TRA2B: variants seen among roughly 807,000 people sequenced by gnomAD.
The protein encoded by TRA2B is transformer 2 beta homolog.
In TRA2B, 14 loss-of-function variants were observed where a neutral mutation model predicts 41.7. That is an observed-to-expected ratio of 0.34 (90% CI 0.22 to 0.53). The LOEUF is 0.53. TRA2B is among the 20% of genes least tolerant of loss of function. The pLI is 0.95. For synonymous variants in TRA2B, 130 were observed against 128.8 expected (o/e 1.01, Z -0.06); for missense variants, 167 against 396.8 (o/e 0.42, Z 4.92).
chr3:185,921,144 G>T lies in TRA2B; in HGVS notation c.682C>A (p.Arg228=), dbSNP rs1188561599. The change falls in exon 6 of 9, where the codon CGG becomes AGG. Residue 228 remains arginine (R), a synonymous_variant. Transcript: ENST00000453386. ...TAGTAGTCCCGATCATCATAGCCCC[G>T]ATCATATCCTCTGTCATAGTAATCC... ...RRDYYDRGYD[R]GYDDRDYYSR... 12 of 1,613,958 alleles carry T rather than the reference G, an allele frequency of 7.4e-6. No homozygotes were observed. Among genetic ancestry groups the T allele is most frequent in the Non-Finnish European group, 1.0e-5 (12 of 1,180,024 alleles).
intron 1 of TRA2B, among the ~76,000 whole-genome samples, chr3:185,930,157 T>C (rs1744095506): frequency 6.6e-6 from 1 of 152,198 alleles, no homozygotes; most frequent in Admixed American, 6.5e-5. Context: ...CCAAATTGCT[T>C]TCTTTCCTTT....
chr3:185,935,858 G>C (rs568390404), intron 1 of TRA2B: 1 of 985,326 alleles, frequency 1.0e-6, no homozygotes, highest in South Asian at 4.7e-5. Flanking sequence ...CAACGTAAAA[G>C]TTTAGAGATC....
rs773225268 is a variant in TRA2B, at chr3:185,917,648, A to G, written c.*67T>C. 17 of 1,570,208 alleles carry G rather than the reference A, an allele frequency of 1.1e-5. No homozygotes were observed. Among genetic ancestry groups the G allele is most frequent in the East Asian group, 2.2e-5 (1 of 44,598 alleles). ...GCACTGTTCACTTTTTAAACAAGAG[A>G]CAATAAAAAATATTGCCCACAAACA... On this transcript the variant is annotated 3_prime_UTR_variant, in exon 9 of 9. Transcript: ENST00000453386.
chr3:185,922,325 T>C (rs1345727133), intron 4 of TRA2B, 199 bp from the exon 5 acceptor site: 2 of 415,688 alleles, frequency 4.8e-6, no homozygotes, highest in Admixed American at 4.3e-5. Flanking sequence ...TCATAAAAAC[T>C]TGAAACAATT....
At chr3:185,923,399 ACT>A (rs1442134717) in intron 4 of TRA2B, 1 of 154,982 alleles carries the variant, frequency 6.5e-6, no homozygotes, top group African/African-American at 2.4e-5. Context: ...TCAAATCTTG[ACT>A]CTATATTCTG....
intron 1 of TRA2B, chr3:185,936,444 T>A: frequency 1.0e-6 from 1 of 985,316 alleles, no homozygotes. Flanking sequence ...CTCATCCGAG[T>A]ATGTAAACGC....
chr3:185,919,593 G>T, intron 6 of TRA2B, 97 bp from the exon 7 acceptor site: 1 of 975,350 alleles, frequency 1.0e-6, no homozygotes, highest in Non-Finnish European at 1.5e-6. Flanking sequence ...CATAGAGCAT[G>T]AATGAGATGT....
In TRA2B at chr3:185,916,526, A is replaced by G. The variant is rs1259163217; in HGVS notation, c.*1189T>C. 6.6e-6 allele frequency: 1 copy of G among 152,200 alleles called. No individual in the cohort carries two copies. The highest frequency in any genetic ancestry group is 2.4e-5 in the African/African-American group (1 of 41,428). 9.4% of individuals were successfully genotyped at this position (152,200 alleles called of 1,614,324 possible). A position where few individuals can be genotyped will look rare whatever the true frequency, so the allele number is the denominator to read the frequency against. The stretch of plus-strand genomic sequence containing the variant: ...GTATTAAAGTACCCGCAGTCTAGTT[A>G]TTTACTGTAACTCCATCCCCAAATG... On this transcript the variant is annotated 3_prime_UTR_variant, in exon 9 of 9. Transcript: ENST00000453386.
At chr3:185,934,640 C>A in intron 1 of TRA2B, 1 of 985,304 alleles carries the variant, frequency 1.0e-6, no homozygotes, top group East Asian at 1.1e-4. Flanking sequence ...GGTGAGATGG[C>A]TGCAATTCTT....
chr3:185,928,576 A>C (rs1319068039), intron 1 of TRA2B: 4 of 152,204 alleles, frequency 2.6e-5, no homozygotes, highest in Non-Finnish European at 4.4e-5. Flanking sequence ...AGTCTCAAAA[A>C]TGAGGGTGTA....
intron 1 of TRA2B, among the ~76,000 whole-genome samples, chr3:185,932,068 T>C (rs565125445): frequency 6.6e-6 from 1 of 152,290 alleles, no homozygotes; most frequent in South Asian, 2.1e-4. Context: ...CAAATAGACT[T>C]ATCATGCTTA....
At chr3:185,931,742 T>C (rs1374934406) in intron 1 of TRA2B, 2 of 1,470,266 alleles carry the variant, frequency 1.4e-6, no homozygotes, top group Non-Finnish European at 1.8e-6. Flanking sequence ...TTAGCATGCA[T>C]TCTTTCTTTT....
intron 1 of TRA2B, chr3:185,937,447 G>T: frequency 9.6e-7 from 1 of 1,039,632 alleles, no homozygotes; most frequent in Non-Finnish European, 1.2e-6. Flanking sequence ...CTGGCAGCTC[G>T]CCCAGCCCGC....
intron 1 of TRA2B, chr3:185,936,843 C>G (rs1300574229): frequency 1.0e-6 from 1 of 985,242 alleles, no homozygotes; most frequent in African/African-American, 1.7e-5. Flanking sequence ...CACAGACCAG[C>G]TACGTATGCT....
chr3:185,916,946 GAAC>G lies in TRA2B; in HGVS notation c.*766_*768del, dbSNP rs1743523322. ...TTTTCATATAGTCTAAAAGCTAGAA[GAAC>G]AAGAGTGTATTTGTGGTGGAATGTA... On this transcript the variant is annotated 3_prime_UTR_variant, in exon 9 of 9. Coordinates refer to ENST00000453386, the MANE Select transcript of TRA2B (RefSeq NM_004593.3). 1 of 152,616 alleles carries G rather than the reference GAAC, an allele frequency of 6.6e-6. No homozygotes were observed. Among genetic ancestry groups the G allele is most frequent in the Non-Finnish European group, 1.5e-5 (1 of 68,030 alleles). 9.5% of individuals were successfully genotyped at this position (152,616 alleles called of 1,614,324 possible). A position where few individuals can be genotyped will look rare whatever the true frequency, so the allele number is the denominator to read the frequency against.
chr3:185,936,724 C>A (rs780822185), intron 1 of TRA2B: 88 of 984,094 alleles, frequency 8.9e-5, no homozygotes, highest in Non-Finnish European at 9.9e-5. Flanking sequence ...CCTCAAAAAT[C>A]AATTTCTATG....
chr3:185,925,633 G>A lies in TRA2B; in HGVS notation c.171-7C>T. ...GCTTCTTCTGGATCTAGACCTGCAA[G>A]ACAAAGACCTCCTAAGGTTATGACT... On this transcript the variant is annotated splice_polypyrimidine_tract_variant and splice_region_variant and intron_variant, in intron 2 of 8. Transcript: ENST00000453386. The A allele has an allele frequency of 1.9e-6, 3 of 1,611,092 alleles. No homozygotes were observed. The highest frequency in any genetic ancestry group is 2.5e-6 in the Non-Finnish European group (3 of 1,178,920).
At position 185,936,434 on chromosome 3, in the gene TRA2B, C is replaced by G. The variant is rs1193652174; in HGVS notation, c.36+1391G>C. On this transcript the variant is annotated intron_variant, in intron 1 of 8. Coordinates refer to ENST00000453386, the MANE Select transcript of TRA2B (RefSeq NM_004593.3). Reference sequence around the variant, plus strand: ...AACATCAAAAACTAAAAACTCTATGCTCATCCGAGTATGTAAACGCAAGGC... The same window carrying G: ...AACATCAAAAACTAAAAACTCTATGGTCATCCGAGTATGTAAACGCAAGGC... 5.1e-6 allele frequency: 5 copies of G among 985,294 alleles called. No individual in the cohort carries two copies. The East Asian group carries it at 5.7e-4, about 112-fold the overall frequency. 61.0% of individuals were successfully genotyped at this position (985,294 alleles called of 1,614,324 possible).
chr3:185,917,658 A>C lies in TRA2B; in HGVS notation c.*57T>G. On this transcript the variant is annotated 3_prime_UTR_variant, in exon 9 of 9. Coordinates refer to ENST00000453386, the MANE Select transcript of TRA2B (RefSeq NM_004593.3). ...CTTTTTAAACAAGAGACAATAAAAAATATTGCCCACAAACAATATCCCAGC... is the reference window on the plus strand; with the variant it reads ...CTTTTTAAACAAGAGACAATAAAAACTATTGCCCACAAACAATATCCCAGC... 1 of 1,596,714 alleles carries C rather than the reference A, an allele frequency of 6.3e-7. No homozygotes were observed. Among genetic ancestry groups the C allele is most frequent in the Non-Finnish European group, 8.6e-7 (1 of 1,167,196 alleles).
Sources: gnomAD v4.1 joint callset for allele counts (sites outside exome capture counted in the v4.1 genomes callset) on GRCh38, gnomAD v4.1.1 for gene constraint, MANE v1.5 for transcripts, NCBI Gene and HGNC (gene_info 2026-07-23, HGNC 2026-07-21) for gene names.